Variants in SMAD6 observed in about 807,000 individuals in gnomAD.
The protein encoded by SMAD6 is SMAD family member 6, also known as MAD homolog 6.
Under a neutral mutation model 39.4 loss-of-function variants are expected in SMAD6, and 103 were observed. The ratio of observed to expected loss-of-function variants is 2.62; its 90% CI spans 2.23 to 3.08. The LOEUF is 3.08. Among genes scored for constraint, SMAD6 ranks in the 30% most tolerant of loss-of-function variants. SMAD6 has a pLI of 0.00. For missense variants in SMAD6, 1,104 were observed against 742.9 expected (o/e 1.49, Z -5.65); for synonymous variants, 445 against 353.3 (o/e 1.26, Z -2.91).
chr15:66,724,754 T>C (rs1893492406), intron 3 of SMAD6, among the ~76,000 whole-genome samples: 1 of 151,924 alleles, frequency 6.6e-6, no homozygotes. Context: ...GTGGCTCTGC[T>C]CATTGGGTGG....
At position 66,781,662 on chromosome 15, in the gene SMAD6, T is replaced by A; in HGVS notation, c.*127T>A. ...CCCCCCAGATATCATCTACCTAGATTTAATATAAAGTTTTATATATTATAT... is the reference window on the plus strand; with the variant it reads ...CCCCCCAGATATCATCTACCTAGATATAATATAAAGTTTTATATATTATAT... On this transcript the variant is annotated 3_prime_UTR_variant, in exon 4 of 4. Coordinates refer to ENST00000288840, the MANE Select transcript of SMAD6 (RefSeq NM_005585.5). The A allele has an allele frequency of 1.9e-6, 1 of 536,744 alleles. No individual in the cohort carries two copies. The highest frequency in any genetic ancestry group is 3.2e-5 in the East Asian group (1 of 31,448). 33.2% of individuals were successfully genotyped at this position (536,744 alleles called of 1,614,324 possible). A position where few individuals can be genotyped will look rare whatever the true frequency, so the allele number is the denominator to read the frequency against.
intron 3 of SMAD6, among the ~76,000 whole-genome samples, chr15:66,718,432 T>C (rs2140608218): frequency 6.6e-6 from 1 of 152,310 alleles, no homozygotes. Flanking sequence ...TCCCTGCTAC[T>C]CATGACTGTG....
intron 3 of SMAD6, among the ~76,000 whole-genome samples, chr15:66,730,018 A>T (rs1305024215): frequency 6.6e-6 from 1 of 152,130 alleles, no homozygotes; most frequent in Non-Finnish European, 1.5e-5. Flanking sequence ...GAAGGTGGGG[A>T]GGGAGTTAAA....
Position 66,703,827 on chromosome 15 carries a change from CG to C in SMAD6, c.570del (p.Leu191CysfsTer51). On this transcript the variant is annotated frameshift_variant, in exon 1 of 4. Coordinates refer to ENST00000288840, the MANE Select transcript of SMAD6 (RefSeq NM_005585.5). LOFTEE classifies it high-confidence loss of function. ...LKRLKERSLD[T>X]LLEAVESRGG... is the part of the protein sequence containing the mutation. ...CGGCTCAAGGAGCGCTCGCTGGACA[CG>C]CTGCTGGAGGCGGTGGAGTCCCGCG... 1 of 1,417,600 alleles carries C rather than the reference CG, an allele frequency of 7.1e-7. No homozygotes were observed. The highest frequency in any genetic ancestry group is 9.3e-7 in the Non-Finnish European group (1 of 1,074,558). 87.8% of individuals were successfully genotyped at this position (1,417,600 alleles called of 1,614,324 possible).
chr15:66,751,882 C>T (rs1049988620), intron 3 of SMAD6, among the ~76,000 whole-genome samples: 3 of 152,192 alleles, frequency 2.0e-5, no homozygotes, highest in Non-Finnish European at 4.4e-5. Flanking sequence ...GTGACTTCTC[C>T]GAGTCACACG....
At chr15:66,765,699 T>C (rs973057261) in intron 3 of SMAD6, among the ~76,000 whole-genome samples, 3 of 152,158 alleles carry the variant, frequency 2.0e-5, no homozygotes, top group Non-Finnish European at 4.4e-5. Context: ...CCGAGTCACA[T>C]TGTGGCTTTA....
chr15:66,737,470 C>T (rs1275514619), intron 3 of SMAD6, among the ~76,000 whole-genome samples: 1 of 152,184 alleles, frequency 6.6e-6, no homozygotes, highest in Non-Finnish European at 1.5e-5. Context: ...AGTACTTCTC[C>T]ACCTCCGACG....
At chr15:66,704,482 T>C (rs1893065258) in intron 1 of SMAD6, 1 of 168,056 alleles carries the variant, frequency 6.0e-6, no homozygotes, top group Non-Finnish European at 1.3e-5. Flanking sequence ...TGTATGCACG[T>C]GCCCTTACCC....
intron 3 of SMAD6, among the ~76,000 whole-genome samples, chr15:66,744,787 C>G (rs1893879321): frequency 6.6e-6 from 1 of 152,238 alleles, no homozygotes; most frequent in Admixed American, 6.5e-5. Context: ...CCACAGCCCT[C>G]ATCGCCAGTC....
At chr15:66,772,947 C>T (rs1001478153) in intron 3 of SMAD6, among the ~76,000 whole-genome samples, 12 of 152,198 alleles carry the variant, frequency 7.9e-5, no homozygotes, top group African/African-American at 2.9e-4. Flanking sequence ...CAGTCTCCCT[C>T]CTCCTGGTTC....
At chr15:66,741,176 C>T (rs1474418269) in intron 3 of SMAD6, 1 of 152,220 alleles carries the variant, frequency 6.6e-6, no homozygotes, top group African/African-American at 2.4e-5. Context: ...TTTCTTTGGG[C>T]CCAGGTGGGG....
intron 2 of SMAD6, among the ~76,000 whole-genome samples, chr15:66,714,067 T>C (rs1893281455): frequency 6.6e-6 from 1 of 152,196 alleles, no homozygotes; most frequent in Non-Finnish European, 1.5e-5. Flanking sequence ...CACTAGTTGC[T>C]TGTAGGACCC....
intron 1 of SMAD6, chr15:66,706,362 C>T (rs1893110841): frequency 6.6e-6 from 1 of 152,312 alleles, no homozygotes; most frequent in Non-Finnish European, 1.5e-5. Flanking sequence ...CCCAAGTCTC[C>T]TCCCTTTTCT....
chr15:66,751,922 G>A (rs946945960), intron 3 of SMAD6, among the ~76,000 whole-genome samples: 1 of 152,216 alleles, frequency 6.6e-6, no homozygotes, highest in Admixed American at 6.5e-5. Context: ...AATTGGAGTC[G>A]GGCCTTGGAG....
chr15:66,709,161 T>C (rs963569694), intron 1 of SMAD6, among the ~76,000 whole-genome samples: 2 of 152,212 alleles, frequency 1.3e-5, no homozygotes, highest in African/African-American at 4.8e-5. Flanking sequence ...CCTTCATACT[T>C]TTTTAGTTGC....
At chr15:66,754,112 G>A (rs12902353) in intron 3 of SMAD6, among the ~76,000 whole-genome samples, 29,466 of 152,174 alleles carry the variant, frequency 0.19, 2,992 homozygotes, top group Middle Eastern at 0.24. Flanking sequence ...TTCAAAAACA[G>A]GGGCATATTT....
chr15:66,774,095 G>C (rs1894425018), intron 3 of SMAD6, among the ~76,000 whole-genome samples: 1 of 152,198 alleles, frequency 6.6e-6, no homozygotes, highest in South Asian at 2.1e-4. Context: ...GAACCTTTGA[G>C]TCTAAGCTGG....
intron 3 of SMAD6, among the ~76,000 whole-genome samples, chr15:66,751,471 G>T (rs1007329956): frequency 1.3e-5 from 2 of 152,168 alleles, no homozygotes; most frequent in African/African-American, 4.8e-5. Flanking sequence ...CTCCCATCAG[G>T]CTGTGAGGTG....
chr15:66,731,737 G>A (rs1030843394), intron 3 of SMAD6, among the ~76,000 whole-genome samples: 2 of 152,204 alleles, frequency 1.3e-5, no homozygotes, highest in South Asian at 2.1e-4. Context: ...TTGAGTAAAC[G>A]CCTAGGAGTA....
Sources: allele counts gnomAD v4.1 joint callset (sites outside exome capture counted in the v4.1 genomes callset), GRCh38; gene constraint gnomAD v4.1.1; transcripts MANE v1.5; gene names NCBI Gene and HGNC (gene_info 2026-07-23, HGNC 2026-07-21).